SEL1L3: variants seen among roughly 807,000 people sequenced by gnomAD.
SEL1L3 encodes SEL1L family member 3.
SEL1L3 carries 76 observed loss-of-function variants against 142.8 expected under a neutral mutation model. That is an observed-to-expected ratio of 0.53 (90% CI 0.44 to 0.64). The LOEUF is 0.64. Ranked by LOEUF, SEL1L3 falls within the 30% of genes least tolerant of loss-of-function variation. The probability of loss-of-function intolerance (pLI) is 0.00; values close to 1 mark genes in which losing one functional copy is unlikely to be tolerated. For synonymous variants in SEL1L3, 504 were observed against 519.6 expected (o/e 0.97, Z 0.41); for missense variants, 1,262 against 1,381.7 (o/e 0.91, Z 1.37).
intron 6 of SEL1L3, among the ~76,000 whole-genome samples, chr4:25,823,351 C>G (rs1019741462): frequency 1.3e-5 from 2 of 151,970 alleles, no homozygotes; most frequent in African/African-American, 4.8e-5. Flanking sequence ...CCCATCTCTA[C>G]TAAAAATATA....
At chr4:25,855,038 C>A (rs886973788) in intron 1 of SEL1L3, among the ~76,000 whole-genome samples, 1 of 152,238 alleles carries the variant, frequency 6.6e-6, no homozygotes. Context: ...TGCTTTGAGG[C>A]ACCCATGCAA....
At chr4:25,825,587 C>T (rs1715036027) in intron 6 of SEL1L3, among the ~76,000 whole-genome samples, 1 of 151,522 alleles carries the variant, frequency 6.6e-6, no homozygotes, top group South Asian at 2.1e-4. Flanking sequence ...GAACTTAGAG[C>T]TTCAAATTGG....
At chr4:25,792,954 G>C (rs143257144) in intron 11 of SEL1L3, among the ~76,000 whole-genome samples, 1 of 152,148 alleles carries the variant, frequency 6.6e-6, no homozygotes, top group Non-Finnish European at 1.5e-5. Context: ...TGCAGTGATT[G>C]ATATTCTTAG....
intron 11 of SEL1L3, among the ~76,000 whole-genome samples, chr4:25,792,591 A>C: frequency 6.6e-6 from 1 of 152,298 alleles, no homozygotes; most frequent in Non-Finnish European, 1.5e-5. Flanking sequence ...TTCTCAGCTG[A>C]AGGTTTTCTG....
chr4:25,765,714 C>T (rs987987567), intron 19 of SEL1L3, among the ~76,000 whole-genome samples: 19 of 152,126 alleles, frequency 1.2e-4, no homozygotes, highest in Admixed American at 1.0e-3. Flanking sequence ...TCAGGGCTCA[C>T]TGCAGCCTTG....
intron 8 of SEL1L3, among the ~76,000 whole-genome samples, chr4:25,818,663 G>C (rs1286988044): frequency 5.3e-5 from 8 of 152,108 alleles, no homozygotes; most frequent in African/African-American, 1.9e-4. Flanking sequence ...CAAACAGATG[G>C]GTGTGCATGC....
At chr4:25,839,736 G>A (rs1036037792) in intron 2 of SEL1L3, among the ~76,000 whole-genome samples, 1 of 152,180 alleles carries the variant, frequency 6.6e-6, no homozygotes, top group Non-Finnish European at 1.5e-5. Flanking sequence ...AAACTTACTC[G>A]TTCCCCTAAA....
At position 25,812,936 on chromosome 4, in the gene SEL1L3, C is replaced by T. The variant is rs188651350; in HGVS notation, c.1564+5202G>A. On this transcript the variant is annotated intron_variant, in intron 9 of 23. Coordinates refer to ENST00000399878, the MANE Select transcript of SEL1L3 (RefSeq NM_015187.5). ...GCTGAGGCAGGAGAATCGCTTGAACCCAGGAGGCAGAAATTGTAGTGAGCC... is the reference window on the plus strand; with the variant it reads ...GCTGAGGCAGGAGAATCGCTTGAACTCAGGAGGCAGAAATTGTAGTGAGCC... Among the ~76,000 whole-genome samples, 299 of 152,252 alleles carry T rather than the reference C, an allele frequency of 2.0e-3. 5 individuals carry two copies. The highest frequency in any genetic ancestry group is 7.0e-3 in the African/African-American group (291 of 41,542).
At chr4:25,853,603 A>T (rs1299267235) in intron 1 of SEL1L3, among the ~76,000 whole-genome samples, 1 of 151,950 alleles carries the variant, frequency 6.6e-6, no homozygotes, top group Admixed American at 6.6e-5. Flanking sequence ...TGACATGACA[A>T]TATTTGGATA....
In SEL1L3 at chr4:25,847,678, C is replaced by T; in HGVS notation, c.349G>A (p.Val117Ile). The T allele has an allele frequency of 1.9e-6, 3 of 1,613,892 alleles. No individual in the cohort carries two copies. The highest frequency in any genetic ancestry group is 2.5e-6 in the Non-Finnish European group (3 of 1,179,854). The change falls in exon 2 of 24, where the codon GTT becomes ATT. Residue 117 changes from valine to isoleucine, a missense_variant. Around this residue, in one of 3 missense-constraint regions of SEL1L3, gnomAD observed 689 missense variants for 692.8 expected, o/e 0.99. Coordinates refer to ENST00000399878, the MANE Select transcript of SEL1L3 (RefSeq NM_015187.5). ...QPCVVNLEAV[V>I]SSEFRSSIPV... is the part of the protein sequence containing the mutation. ...ATGCTACTTCTGAACTCAGATGAAA[C>T]AACTGCTTCCAAATTGACAACACAA...
chr4:25,783,603 C>T (rs770333681), intron 14 of SEL1L3, among the ~76,000 whole-genome samples: 4 of 152,262 alleles, frequency 2.6e-5, no homozygotes, highest in Admixed American at 1.3e-4. Context: ...GCTGTGCATG[C>T]ATTGGGCATA....
chr4:25,748,576 C>T lies in SEL1L3; in HGVS notation c.3260-12G>A. On this transcript the variant is annotated splice_polypyrimidine_tract_variant and intron_variant, in intron 23 of 23. Transcript: ENST00000399878. Reference sequence around the variant, plus strand: ...AGGGGGATCGCTTGCTGCAGAGACACATGCACAACAGGTGCTGAATACTCA... The same window carrying T: ...AGGGGGATCGCTTGCTGCAGAGACATATGCACAACAGGTGCTGAATACTCA... The T allele has an allele frequency of 6.2e-7, 1 of 1,605,556 alleles. No homozygotes were observed. The highest frequency in any genetic ancestry group is 8.5e-7 in the Non-Finnish European group (1 of 1,176,358).
chr4:25,845,294 A>G (rs1716435751), intron 2 of SEL1L3, among the ~76,000 whole-genome samples: 1 of 152,192 alleles, frequency 6.6e-6, no homozygotes, highest in African/African-American at 2.4e-5. Context: ...TAGGAGTTCA[A>G]GACCAGCCTG....
chr4:25,784,280 A>G lies in SEL1L3; in HGVS notation c.2228T>C (p.Val743Ala), dbSNP rs1469837023. 1.2e-6 allele frequency: 2 copies of G among 1,613,270 alleles called. No individual in the cohort carries two copies. The highest frequency in any genetic ancestry group is 1.7e-6 in the Non-Finnish European group (2 of 1,179,484). ...YAIVLFKGQG[V>A]KKNRRLALEL... ...TAAGGCAAGCCGTCTGTTCTTTTTT[A>G]CTCCTTGACCCTAAACATTGATAAA... The change falls in exon 14 of 24, where the codon GTA becomes GCA. Residue 743 changes from valine (V) to alanine (A), a missense_variant. Transcript: ENST00000399878.
chr4:25,839,117 G>A (rs1386559848), intron 2 of SEL1L3, among the ~76,000 whole-genome samples: 1 of 152,214 alleles, frequency 6.6e-6, no homozygotes, highest in Non-Finnish European at 1.5e-5. Flanking sequence ...AGCACAGGCA[G>A]CTCAATAATG....
At chr4:25,801,763 A>G (rs1713196559) in intron 11 of SEL1L3, among the ~76,000 whole-genome samples, 1 of 152,146 alleles carries the variant, frequency 6.6e-6, no homozygotes, top group Non-Finnish European at 1.5e-5. Flanking sequence ...CTGGTGTAGC[A>G]AGGCTCATGG....
At chr4:25,733,063 AT>A in the SEL1L3 span, among the ~76,000 whole-genome samples, 20,511 of 146,364 alleles carry the variant, frequency 0.14, 1,554 homozygotes, top group Middle Eastern at 0.22. Context: ...TAACTTTGTT[AT>A]TTTTTTTTTT....
In SEL1L3 at chr4:25,832,961, C is replaced by T. The variant is rs549192517; in HGVS notation, c.1098+34G>A. The T allele has an allele frequency of 2.3e-5, 30 of 1,294,514 alleles. No homozygotes were observed. In the East Asian group the frequency reaches 5.1e-4, roughly 22 times the overall value. 80.2% of individuals were successfully genotyped at this position (1,294,514 alleles called of 1,614,324 possible). Reference sequence around the variant, plus strand: ...ATGCTTAACTTTAAGCGAAAATGCTCGTATGTCGTGTGATGAAGCGTGCAT... The same window carrying T: ...ATGCTTAACTTTAAGCGAAAATGCTTGTATGTCGTGTGATGAAGCGTGCAT... On this transcript the variant is annotated intron_variant, in intron 5 of 23. Transcript: ENST00000399878.
the SEL1L3 span, chr4:25,721,114 G>T: frequency 6.6e-6 from 1 of 152,044 alleles, no homozygotes; most frequent in Non-Finnish European, 1.5e-5. Context: ...GGACATTTTT[G>T]AATCACTTTG....
Sources: gnomAD v4.1 joint callset for allele counts (sites outside exome capture counted in the v4.1 genomes callset) on GRCh38, gnomAD v4.1.1 for gene constraint, gnomAD v4.1.1 regional missense constraint, MANE v1.5 for transcripts, NCBI Gene and HGNC (gene_info 2026-07-23, HGNC 2026-07-21) for gene names.